Variants in TMTC1 observed in about 807,000 individuals in gnomAD.
TMTC1 encodes the protein protein O-mannosyl-transferase TMTC1.
TMTC1 carries 73 observed loss-of-function variants against 104.8 expected under a neutral mutation model. The observed-to-expected ratio is 0.70, with a 90% CI of 0.58 to 0.85. TMTC1 has a LOEUF of 0.85. TMTC1 is among the 40% of genes least tolerant of loss of function. The probability of loss-of-function intolerance (pLI) is 0.00; values close to 1 mark genes in which losing one functional copy is unlikely to be tolerated. For synonymous variants in TMTC1, 434 were observed against 428.7 expected (o/e 1.01, Z -0.15); for missense variants, 1,035 against 1,096.1 (o/e 0.94, Z 0.79).
intron 1 of TMTC1, among the ~76,000 whole-genome samples, chr12:29,777,385 T>C (rs1565830217): frequency 6.6e-6 from 1 of 152,136 alleles, no homozygotes; most frequent in African/African-American, 2.4e-5. Flanking sequence ...TGAGCCACCG[T>C]GCCCGACCTC....
At chr12:29,633,439 A>G in intron 5 of TMTC1, 103 bp from the exon 6 acceptor site, 1 of 949,864 alleles carries the variant, frequency 1.1e-6, no homozygotes, top group Admixed American at 2.9e-5. Context: ...TACCCAGTCA[A>G]TGTTATCTTG....
intron 3 of TMTC1, among the ~76,000 whole-genome samples, chr12:29,756,915 T>C (rs957710125): frequency 2.2e-4 from 33 of 152,212 alleles, no homozygotes; most frequent in African/African-American, 7.5e-4. Flanking sequence ...TGTAATAACA[T>C]GGCTCATTAT....
intron 6 of TMTC1, among the ~76,000 whole-genome samples, chr12:29,616,394 A>G (rs1017220452): frequency 7.9e-5 from 12 of 152,158 alleles, no homozygotes; most frequent in Admixed American, 7.9e-4. Flanking sequence ...TTCTGGGGCC[A>G]GAGGCGGTGG....
intron 5 of TMTC1, chr12:29,666,384 A>ATT: frequency 6.6e-6 from 2 of 302,326 alleles, no homozygotes; most frequent in Non-Finnish European, 1.3e-5. Context: ...TGCCTGGCTA[A>ATT]TTTTTTTTTT....
At position 29,514,537 on chromosome 12, in the gene TMTC1, A is replaced by G; in HGVS notation, c.2375T>C (p.Phe792Ser). The G allele has an allele frequency of 1.2e-6, 2 of 1,614,130 alleles. No homozygotes were observed. Among genetic ancestry groups the G allele is most frequent in the East Asian group, 2.2e-5 (1 of 44,856 alleles). ...TCTTAATTGGTTTCCTTTTGTGAAA[A>G]AAAGTTCAGAAATGACTTTTGGGTC... is the stretch of plus-strand genomic sequence containing the variant. The part of the protein sequence containing the change: ...PKDPKVISEL[F>S]FTKGNQLREQ... Residue 792 changes from phenylalanine to serine, a missense_variant, in exon 16 of 18, where the codon TTT becomes TCT. Physicochemically the swap from Phe to Ser is radical, Grantham distance 155. Coordinates refer to ENST00000539277, the MANE Select transcript of TMTC1 (RefSeq NM_001193451.2).
At chr12:29,694,846 A>G (rs1435034425) in intron 5 of TMTC1, among the ~76,000 whole-genome samples, 2 of 152,194 alleles carry the variant, frequency 1.3e-5, no homozygotes, top group Non-Finnish European at 2.9e-5. Flanking sequence ...AGGCTGGGGC[A>G]GGAGAATTGC....
chr12:29,633,571 T>C (rs1938406168), intron 5 of TMTC1, among the ~76,000 whole-genome samples: 2 of 152,118 alleles, frequency 1.3e-5, no homozygotes, highest in South Asian at 2.1e-4. Flanking sequence ...GGTGAACAAA[T>C]ACAGATACAG....
intron 5 of TMTC1, among the ~76,000 whole-genome samples, chr12:29,738,838 T>C (rs2136937445): frequency 6.6e-6 from 1 of 152,292 alleles, no homozygotes; most frequent in African/African-American, 2.4e-5. Flanking sequence ...CCCTCTATCA[T>C]GGGCTAAGAA....
intron 5 of TMTC1, among the ~76,000 whole-genome samples, chr12:29,665,595 C>T (rs1940246264): frequency 6.6e-6 from 1 of 152,196 alleles, no homozygotes. Context: ...AATCAATGAC[C>T]TTTGTTAACA....
intron 2 of TMTC1, 103 bp downstream of exon 2, chr12:29,767,795 T>C: frequency 1.9e-6 from 2 of 1,075,396 alleles, no homozygotes; most frequent in Non-Finnish European, 2.7e-6. Context: ...TATCTACATA[T>C]ACACACATAT....
chr12:29,780,942 C>T (rs571895999), intron 1 of TMTC1, among the ~76,000 whole-genome samples: 2 of 152,180 alleles, frequency 1.3e-5, no homozygotes, highest in East Asian at 3.9e-4. Context: ...TTTAAAGGGC[C>T]CCTTCAATTG....
chr12:29,623,634 G>A lies in TMTC1; in HGVS notation c.1128+9513C>T, dbSNP rs190024706. 7.0e-4 allele frequency among the ~76,000 whole-genome samples: 106 copies of A among 152,214 alleles called. 2 individuals carry two copies. The East Asian group carries it at 0.017, about 24-fold the overall frequency. ...TTGAGACAAGCCTGGCCAACTTGGC[G>A]AAACCCTGTCTCTACTGAAAATACA... On this transcript the variant is annotated intron_variant, in intron 6 of 17. Coordinates refer to ENST00000539277, the MANE Select transcript of TMTC1 (RefSeq NM_001193451.2).
At chr12:29,713,486 T>C (rs1366958959) in intron 5 of TMTC1, among the ~76,000 whole-genome samples, 1 of 151,938 alleles carries the variant, frequency 6.6e-6, no homozygotes, top group East Asian at 1.9e-4. Flanking sequence ...CACTGACCAT[T>C]TGAAAAATAT....
At chr12:29,729,679 C>A (rs1942495488) in intron 5 of TMTC1, among the ~76,000 whole-genome samples, 1 of 152,130 alleles carries the variant, frequency 6.6e-6, no homozygotes, top group Non-Finnish European at 1.5e-5. Context: ...TGTAAACAGT[C>A]CCTTTGTAGA....
intron 5 of TMTC1, among the ~76,000 whole-genome samples, chr12:29,681,099 C>CAAAAAAAAAAAAAAAAAAAAAAAAAAAAA (rs71045827): frequency 9.3e-6 from 1 of 107,238 alleles, no homozygotes; most frequent in Non-Finnish European, 1.8e-5. Context: ...ACCCTGTCTC[C>CAAAAAAAAAAAAAAAAAAAAAAAAAAAAA]AAAAAAAAAA....
At chr12:29,724,616 A>T (rs1274103579) in intron 5 of TMTC1, among the ~76,000 whole-genome samples, 2 of 152,362 alleles carry the variant, frequency 1.3e-5, no homozygotes, top group East Asian at 3.9e-4. Context: ...AATAACAAAG[A>T]TGGGTCTCAG....
intron 5 of TMTC1, among the ~76,000 whole-genome samples, chr12:29,736,992 G>A (rs1387556371): frequency 6.6e-6 from 1 of 152,232 alleles, no homozygotes; most frequent in Non-Finnish European, 1.5e-5. Flanking sequence ...GCCCAGGATT[G>A]CCTCTATCCC....
chr12:29,711,536 C>A (rs1292462372), intron 5 of TMTC1, among the ~76,000 whole-genome samples: 1 of 152,058 alleles, frequency 6.6e-6, no homozygotes, highest in African/African-American at 2.4e-5. Context: ...AAACTCAGAC[C>A]GTAAAACTGC....
intron 5 of TMTC1, among the ~76,000 whole-genome samples, chr12:29,637,261 C>T (rs1289320167): frequency 6.6e-6 from 1 of 152,172 alleles, no homozygotes; most frequent in Non-Finnish European, 1.5e-5. Context: ...AATTCTTTCA[C>T]TATGAATTAC....
Sources: allele counts gnomAD v4.1 joint callset (sites outside exome capture counted in the v4.1 genomes callset), GRCh38; gene constraint gnomAD v4.1.1; transcripts MANE v1.5; gene names NCBI Gene and HGNC (gene_info 2026-07-23, HGNC 2026-07-21).